Variants in LRP1B observed in about 807,000 individuals in gnomAD.
LRP1B encodes LDL receptor related protein 1B, also known as low-density lipoprotein receptor-related protein 1B.
Under a neutral mutation model 556.6 loss-of-function variants are expected in LRP1B, and 217 were observed. The ratio of observed to expected loss-of-function variants is 0.39; its 90% CI spans 0.35 to 0.44. LRP1B has a LOEUF of 0.44. Ranked by LOEUF, LRP1B falls within the 20% of genes least tolerant of loss-of-function variation. LRP1B has a pLI of 1.00. For missense variants in LRP1B, 5,053 were observed against 5,620.8 expected, an observed-to-expected ratio of 0.90 and a Z score of 3.23; for synonymous variants, 2,047 against 1,865.8, an observed-to-expected ratio of 1.10 and a Z score of -2.50.
At chr2:142,029,414 A>G (rs1288939117) in intron 1 of LRP1B, among the ~76,000 whole-genome samples, 3 of 151,928 alleles carry the variant, frequency 2.0e-5, no homozygotes, top group African/African-American at 7.2e-5. Flanking sequence ...TGTATCTCAG[A>G]ACTTACTGAT....
intron 2 of LRP1B, among the ~76,000 whole-genome samples, chr2:141,628,095 G>A (rs1293814641): frequency 1.3e-5 from 2 of 152,190 alleles, no homozygotes; most frequent in Non-Finnish European, 2.9e-5. Flanking sequence ...TCTGATCACA[G>A]AGTAGGACCC....
intron 2 of LRP1B, among the ~76,000 whole-genome samples, chr2:141,508,082 T>TCCC (rs373915742): frequency 0.085 from 3,440 of 40,572 alleles, 63 homozygotes; most frequent in Non-Finnish European, 0.13. Flanking sequence ...GGAGACTCCA[T>TCCC]CCCCCCCCCA....
At chr2:140,795,354 G>A (rs376099848) in intron 32 of LRP1B, among the ~76,000 whole-genome samples, 3 of 152,002 alleles carry the variant, frequency 2.0e-5, no homozygotes, top group South Asian at 2.1e-4. Context: ...TAAAAACTAC[G>A]AACAATAACA....
At chr2:140,527,621 C>T (rs1276447910) in intron 47 of LRP1B, among the ~76,000 whole-genome samples, 1 of 151,766 alleles carries the variant, frequency 6.6e-6, no homozygotes, top group African/African-American at 2.4e-5. Context: ...GATAACACAA[C>T]ATGTGAAACA....
intron 1 of LRP1B, among the ~76,000 whole-genome samples, chr2:141,989,908 C>T (rs747114192): frequency 7.2e-5 from 11 of 152,170 alleles, no homozygotes; most frequent in African/African-American, 4.8e-5. Flanking sequence ...CAGACCAATA[C>T]GGTCTTCATA....
At chr2:142,108,092 T>C (rs1256399569) in intron 1 of LRP1B, among the ~76,000 whole-genome samples, 1 of 151,190 alleles carries the variant, frequency 6.6e-6, no homozygotes, top group Non-Finnish European at 1.5e-5. Context: ...TATATCTTAA[T>C]GGCTCCAAAA....
intron 32 of LRP1B, among the ~76,000 whole-genome samples, chr2:140,794,626 T>C (rs1272650576): frequency 6.6e-6 from 1 of 151,930 alleles, no homozygotes; most frequent in Non-Finnish European, 1.5e-5. Context: ...TTCTTTTTTT[T>C]TTTTGAGACA....
At chr2:141,037,157 G>A (rs887743534) in intron 11 of LRP1B, among the ~76,000 whole-genome samples, 2 of 152,010 alleles carry the variant, frequency 1.3e-5, no homozygotes, top group East Asian at 1.9e-4. Flanking sequence ...AAAACTGAGG[G>A]ATGAAAAGAC....
intron 2 of LRP1B, among the ~76,000 whole-genome samples, chr2:141,613,588 C>T (rs1250840057): frequency 6.6e-6 from 1 of 152,152 alleles, no homozygotes; most frequent in Non-Finnish European, 1.5e-5. Flanking sequence ...AAGAAATCAA[C>T]TTGGACACTT....
At chr2:140,386,155 G>T (rs562092035) in intron 66 of LRP1B, 146 bp from the exon 67 acceptor site, 3 of 633,524 alleles carry the variant, frequency 4.7e-6, no homozygotes, top group Non-Finnish European at 8.4e-6. Flanking sequence ...TTGAAGGCAA[G>T]TGCTGAGGAA....
At chr2:141,613,379 A>G (rs1005308213) in intron 2 of LRP1B, among the ~76,000 whole-genome samples, 1 of 152,144 alleles carries the variant, frequency 6.6e-6, no homozygotes, top group Non-Finnish European at 1.5e-5. Flanking sequence ...AAAAATCCGT[A>G]TAAGAAACCT....
chr2:140,630,068 G>A (rs539350089), intron 41 of LRP1B, among the ~76,000 whole-genome samples: 1 of 152,298 alleles, frequency 6.6e-6, no homozygotes, highest in African/African-American at 2.4e-5. Context: ...TACTAAAATA[G>A]TAGAATGGTG....
chr2:141,270,508 T>TA (rs944453129), intron 3 of LRP1B, among the ~76,000 whole-genome samples: 3 of 151,942 alleles, frequency 2.0e-5, no homozygotes, highest in Admixed American at 2.0e-4. Context: ...TTATTCACAA[T>TA]AAAAAAGTGG....
intron 2 of LRP1B, among the ~76,000 whole-genome samples, chr2:141,798,705 CA>C (rs151310050): frequency 0.056 from 3,476 of 61,964 alleles, 56 homozygotes; most frequent in African/African-American, 0.14. Context: ...GACTCTGTCT[CA>C]AAAAAAAAAA....
chr2:140,395,891 C>G (rs926867995), intron 66 of LRP1B, among the ~76,000 whole-genome samples: 1 of 151,156 alleles, frequency 6.6e-6, no homozygotes, highest in Non-Finnish European at 1.5e-5. Context: ...ATTTTTTTTT[C>G]TCATTTAGAA....
rs552960021 is a variant in LRP1B at position 141,312,966 on chromosome 2, C to A, written c.344-58325G>T. Among the ~76,000 whole-genome samples, 52 of 152,222 alleles carry A rather than the reference C, an allele frequency of 3.4e-4. 1 individual carries two copies. The South Asian group carries it at 6.0e-3, about 18-fold the overall frequency. ...AAAGTGCTGGGATTATAGGCATGAG[C>A]CACCACACCTGGACTGCTAATTCTT... On this transcript the variant is annotated intron_variant, in intron 3 of 90. Transcript: ENST00000389484.
At chr2:141,106,977 CTAAT>C (rs1275388891) in intron 7 of LRP1B, among the ~76,000 whole-genome samples, 1 of 151,842 alleles carries the variant, frequency 6.6e-6, no homozygotes, top group Admixed American at 6.6e-5. Context: ...GCAAGATAAA[CTAAT>C]TGTTTTTTTT....
intron 2 of LRP1B, among the ~76,000 whole-genome samples, chr2:141,716,746 G>C (rs1438260293): frequency 6.6e-6 from 1 of 152,160 alleles, no homozygotes; most frequent in African/African-American, 2.4e-5. Flanking sequence ...GTTATGTTCA[G>C]TGACTAAAAG....
chr2:141,054,900 C>T (rs1476463473), intron 10 of LRP1B, among the ~76,000 whole-genome samples: 1 of 151,914 alleles, frequency 6.6e-6, no homozygotes, highest in Non-Finnish European at 1.5e-5. Context: ...TCCCTAAAAT[C>T]AATAAATTTA....
Sources: gnomAD v4.1 joint callset for allele counts (sites outside exome capture counted in the v4.1 genomes callset) on GRCh38, gnomAD v4.1.1 for gene constraint, MANE v1.5 for transcripts, NCBI Gene and HGNC (gene_info 2026-07-23, HGNC 2026-07-21) for gene names.